The following SGCG variants were observed in gnomAD, a reference collection of about 807,000 sequenced individuals.
SGCG encodes sarcoglycan gamma.
Under a neutral mutation model 29.3 loss-of-function variants are expected in SGCG, and 26 were observed. The ratio of observed to expected loss-of-function variants is 0.89; its 90% CI spans 0.65 to 1.23. The LOEUF is 1.23. Among genes scored for constraint, SGCG ranks in the 50% most tolerant of loss-of-function variants. SGCG has a pLI of 0.00. For synonymous variants in SGCG, 145 were observed against 129.7 expected (o/e 1.12, Z -0.80); for missense variants, 353 against 356.0 (o/e 0.99, Z 0.07).
chr13:23,215,548 G>A, intron 2 of SGCG, among the ~76,000 whole-genome samples: 1 of 152,130 alleles, frequency 6.6e-6, no homozygotes, highest in South Asian at 2.1e-4. Context: ...AGAACCATTA[G>A]TGATTACTTA....
At chr13:23,288,742 A>G (rs1222347062) in intron 5 of SGCG, among the ~76,000 whole-genome samples, 1 of 152,212 alleles carries the variant, frequency 6.6e-6, no homozygotes, top group Non-Finnish European at 1.5e-5. Context: ...TCAAAAAACT[A>G]TTCTACACCA....
chr13:23,316,385 T>C (rs1383965573), intron 6 of SGCG, among the ~76,000 whole-genome samples: 1 of 152,246 alleles, frequency 6.6e-6, no homozygotes, highest in African/African-American at 2.4e-5. Context: ...AGGCACTCCC[T>C]TTATGGCTAA....
At chr13:23,202,290 T>C (rs537438854) in intron 1 of SGCG, among the ~76,000 whole-genome samples, 1 of 152,026 alleles carries the variant, frequency 6.6e-6, no homozygotes, top group South Asian at 2.1e-4. Flanking sequence ...ATTTTACACA[T>C]TGACTGCTGG....
In SGCG at chr13:23,231,765, A is replaced by G. The variant is rs151153387; in HGVS notation, c.196-2846A>G. Among the ~76,000 whole-genome samples, 473 of 152,224 alleles carry G rather than the reference A, an allele frequency of 3.1e-3. 3 individuals carry two copies. The highest frequency in any genetic ancestry group is 0.011 in the African/African-American group (437 of 41,522). On this transcript the variant is annotated intron_variant, in intron 2 of 7. Transcript: ENST00000218867. ...AGAAAATCCCAAACAGCAGTTGTCA[A>G]CCTCTTTAGACTCTGAGCCCTTTCT... is the stretch of plus-strand genomic sequence containing the variant.
intron 6 of SGCG, among the ~76,000 whole-genome samples, chr13:23,309,070 T>C (rs1593103988): frequency 6.6e-6 from 1 of 152,146 alleles, no homozygotes; most frequent in African/African-American, 2.4e-5. Flanking sequence ...CCCATAATTA[T>C]TAGAATTCAT....
chr13:23,286,781 C>T (rs1178450477), intron 5 of SGCG, among the ~76,000 whole-genome samples: 2 of 152,176 alleles, frequency 1.3e-5, no homozygotes, highest in African/African-American at 4.8e-5. Context: ...TGTCCTCACC[C>T]TTCTTGTGAT....
intron 1 of SGCG, among the ~76,000 whole-genome samples, chr13:23,202,890 C>A (rs1455228246): frequency 6.6e-6 from 1 of 152,084 alleles, no homozygotes; most frequent in Non-Finnish European, 1.5e-5. Context: ...CCAATTTTAG[C>A]TTCATAGCTA....
chr13:23,270,074 C>T (rs1431853391), intron 4 of SGCG, among the ~76,000 whole-genome samples: 1 of 151,966 alleles, frequency 6.6e-6, no homozygotes, highest in Non-Finnish European at 1.5e-5. Context: ...CGGGGTTTCA[C>T]CGTGTTAGCC....
intron 2 of SGCG, 45 bp downstream of exon 2, chr13:23,203,934 C>A: frequency 2.3e-6 from 3 of 1,315,254 alleles, no homozygotes; most frequent in Non-Finnish European, 2.2e-6. Flanking sequence ...GTTTTGTTCA[C>A]TGTATCACTT....
intron 2 of SGCG, among the ~76,000 whole-genome samples, chr13:23,227,854 A>G (rs577219810): frequency 6.6e-6 from 1 of 152,280 alleles, no homozygotes; most frequent in South Asian, 2.1e-4. Flanking sequence ...TCCAATGCCA[A>G]GGCTAAAGTA....
At chr13:23,199,005 G>A (rs563644571) in intron 1 of SGCG, among the ~76,000 whole-genome samples, 2 of 152,012 alleles carry the variant, frequency 1.3e-5, no homozygotes, top group South Asian at 2.1e-4. Context: ...CTACTCAGGA[G>A]GCTGAGGCAG....
At chr13:23,277,343 A>G (rs1410382023) in intron 4 of SGCG, among the ~76,000 whole-genome samples, 1 of 152,162 alleles carries the variant, frequency 6.6e-6, no homozygotes, top group East Asian at 1.9e-4. Context: ...CCCAGAAGAG[A>G]TAAACAGGAA....
chr13:23,298,402 C>T (rs1162345874), intron 6 of SGCG, among the ~76,000 whole-genome samples: 1 of 151,974 alleles, frequency 6.6e-6, no homozygotes, highest in Non-Finnish European at 1.5e-5. Context: ...TAGATATTCT[C>T]CCTAAATAAT....
At position 23,265,623 on chromosome 13, in the gene SGCG, C is replaced by T. The variant is rs189090585; in HGVS notation, c.386-13736C>T. Among the ~76,000 whole-genome samples, 16 of 152,152 alleles carry T rather than the reference C, an allele frequency of 1.1e-4. No individual in the cohort carries two copies. The East Asian group carries it at 3.1e-3, about 29-fold the overall frequency. ...TAAGTAGGCAAAAGACATTAATAGACATTTCTCAAAAGAAGATACAAAAAT... is the reference window on the plus strand; with the variant it reads ...TAAGTAGGCAAAAGACATTAATAGATATTTCTCAAAAGAAGATACAAAAAT... On this transcript the variant is annotated intron_variant, in intron 4 of 7. Transcript: ENST00000218867.
upstream of SGCG, among the ~76,000 whole-genome samples, chr13:23,178,041 G>A (rs921083461): frequency 6.6e-6 from 1 of 152,140 alleles, no homozygotes; most frequent in African/African-American, 2.4e-5. Flanking sequence ...ATCACTGAAG[G>A]CATGTGTGTC....
chr13:23,194,774 A>G (rs796322153), intron 1 of SGCG, among the ~76,000 whole-genome samples: 14 of 152,308 alleles, frequency 9.2e-5, no homozygotes, highest in African/African-American at 3.1e-4. Flanking sequence ...CATGACCGAT[A>G]GCTGGACCAC....
rs920806025 is a variant in SGCG, at chr13:23,253,419, T to A, written c.385+2702T>A. Among the ~76,000 whole-genome samples, 6 of 152,144 alleles carry A rather than the reference T, an allele frequency of 3.9e-5. 1 individual carries two copies. Among genetic ancestry groups the A allele is most frequent in the African/African-American group, 1.2e-4 (5 of 41,438 alleles). On this transcript the variant is annotated intron_variant, in intron 4 of 7. Transcript: ENST00000218867. ...ATATTGAGAACCTTGAGCTAGGAAA[T>A]AGCACCAAGCTCACCAAATCCAAGG...
intron 2 of SGCG, among the ~76,000 whole-genome samples, chr13:23,211,058 T>TA (rs1374909789): frequency 6.6e-6 from 1 of 152,158 alleles, no homozygotes; most frequent in Non-Finnish European, 1.5e-5. Context: ...GTATTACTGA[T>TA]AAAAAGCTGA....
chr13:23,305,948 T>C (rs1289397299), intron 6 of SGCG, among the ~76,000 whole-genome samples: 1 of 152,236 alleles, frequency 6.6e-6, no homozygotes, highest in Admixed American at 6.5e-5. Flanking sequence ...CTCAGCTTAC[T>C]GCAGCCTCCA....
Sources: gnomAD v4.1 joint callset for allele counts (sites outside exome capture counted in the v4.1 genomes callset) on GRCh38, gnomAD v4.1.1 for gene constraint, MANE v1.5 for transcripts, NCBI Gene and HGNC (gene_info 2026-07-23, HGNC 2026-07-21) for gene names.